RIMS1: variants seen among roughly 807,000 people sequenced by gnomAD.
The protein encoded by RIMS1 is regulating synaptic membrane exocytosis protein 1.
Under a neutral mutation model 214.1 loss-of-function variants are expected in RIMS1, and 83 were observed. The observed-to-expected ratio is 0.39, with a 90% CI of 0.32 to 0.47. The LOEUF (loss-of-function observed/expected upper bound fraction) is 0.47, where lower values mean the gene tolerates loss of function less well. Ranked by LOEUF, RIMS1 falls within the 20% of genes least tolerant of loss-of-function variation. RIMS1 has a pLI of 0.99. For synonymous variants in RIMS1, 793 were observed against 786.8 expected (o/e 1.01, Z -0.13); for missense variants, 2,050 against 2,161.8 (o/e 0.95, Z 1.03).
chr6:72,070,790 A>C lies in RIMS1; in HGVS notation c.246-26159A>C, dbSNP rs572062060. 2.6e-5 allele frequency among the ~76,000 whole-genome samples: 4 copies of C among 152,274 alleles called. No individual in the cohort carries two copies. In the South Asian group the frequency reaches 8.3e-4, roughly 32 times the overall value. The stretch of plus-strand genomic sequence containing the variant: ...ATAACCTGGAGGGAGGTTTTTGTGC[A>C]TGTCAAGGAGCTTTGACAAAGGCCC... On this transcript the variant is annotated intron_variant, in intron 2 of 33. Transcript: ENST00000521978.
At chr6:72,213,299 A>C (rs1419042058) in intron 6 of RIMS1, 1 of 1,261,832 alleles carries the variant, frequency 7.9e-7, no homozygotes, top group Non-Finnish European at 1.1e-6. Flanking sequence ...CTCCCTCTGT[A>C]TCTATTTTCC....
In RIMS1 at chr6:71,886,742, G is replaced by C. The variant is rs1259950232; in HGVS notation, c.-282G>C. On this transcript the variant is annotated 5_prime_UTR_variant, in exon 1 of 34. Transcript: ENST00000521978. ...CTCCGCCTGCCCGCCCCCGCCGGCC[G>C]AGGCTGGGCTGCGGGAGGCGGCCGG... The C allele has an allele frequency of 4.2e-6, 1 of 235,498 alleles. No individual in the cohort carries two copies. Among genetic ancestry groups the C allele is most frequent in the Non-Finnish European group, 8.2e-6 (1 of 122,106 alleles). 14.6% of individuals were successfully genotyped at this position (235,498 alleles called of 1,614,324 possible).
chr6:72,334,621 C>G (rs1015699058), intron 29 of RIMS1, among the ~76,000 whole-genome samples: 17 of 151,804 alleles, frequency 1.1e-4, no homozygotes, highest in Non-Finnish European at 2.1e-4. Flanking sequence ...ATTTAAATAG[C>G]CAGCAACTGT....
intron 16 of RIMS1, among the ~76,000 whole-genome samples, chr6:72,256,335 T>C (rs1271314498): frequency 6.6e-6 from 1 of 152,146 alleles, no homozygotes; most frequent in East Asian, 1.9e-4. Flanking sequence ...TTCAGAACTT[T>C]CTAAGTTACA....
intron 28 of RIMS1, among the ~76,000 whole-genome samples, chr6:72,315,442 T>C (rs2095723766): frequency 6.6e-6 from 1 of 152,184 alleles, no homozygotes; most frequent in Non-Finnish European, 1.5e-5. Context: ...ATTATGTAAA[T>C]TTAAGCACTA....
At chr6:72,029,388 T>C (rs768415371) in intron 2 of RIMS1, among the ~76,000 whole-genome samples, 18 of 152,280 alleles carry the variant, frequency 1.2e-4, no homozygotes, top group Non-Finnish European at 1.9e-4. Context: ...TCATTGCCAA[T>C]GTAAGAGGTT....
chr6:71,983,691 G>T (rs1221651584), intron 2 of RIMS1, among the ~76,000 whole-genome samples: 1 of 152,146 alleles, frequency 6.6e-6, no homozygotes, highest in South Asian at 2.1e-4. Flanking sequence ...TGAATGCTCA[G>T]ATGTGGAGCA....
At chr6:72,138,114 CAAAAAGGTAGGTAGACTTT>C (rs941172630) in intron 4 of RIMS1, among the ~76,000 whole-genome samples, 2 of 151,804 alleles carry the variant, frequency 1.3e-5, no homozygotes, top group African/African-American at 4.8e-5. Context: ...ATAGACGGTT[CAAAAAGGTAGGTAGACTTT>C]CCTCCTTTTA....
chr6:72,323,540 G>A (rs2096281085), intron 28 of RIMS1, among the ~76,000 whole-genome samples: 1 of 151,824 alleles, frequency 6.6e-6, no homozygotes. Context: ...TATAGGAGTT[G>A]ATGTACAGAG....
At chr6:72,196,371 C>CTGTT (rs1554269235) in intron 6 of RIMS1, among the ~76,000 whole-genome samples, 2,217 of 126,584 alleles carry the variant, frequency 0.018, 17 homozygotes, top group East Asian at 0.038. Flanking sequence ...GTCTGTCTGT[C>CTGTT]TGTCTGTCTA....
At chr6:72,253,272 T>G (rs928711799) in intron 16 of RIMS1, among the ~76,000 whole-genome samples, 1 of 152,190 alleles carries the variant, frequency 6.6e-6, no homozygotes, top group African/African-American at 2.4e-5. Context: ...AAATTGCATG[T>G]GGCATGGCTG....
intron 24 of RIMS1, among the ~76,000 whole-genome samples, chr6:72,289,588 C>CCTGTT (rs1381548497): frequency 6.6e-6 from 1 of 152,076 alleles, no homozygotes; most frequent in African/African-American, 2.4e-5. Context: ...CTGACATTTT[C>CCTGTT]CTGTTTTGTT....
intron 1 of RIMS1, among the ~76,000 whole-genome samples, chr6:71,959,258 T>G (rs2151226173): frequency 6.6e-6 from 1 of 152,240 alleles, no homozygotes; most frequent in Non-Finnish European, 1.5e-5. Context: ...TAGTTACAAT[T>G]AATTGAAAGT....
At chr6:72,164,802 C>A (rs1011787825) in intron 4 of RIMS1, among the ~76,000 whole-genome samples, 2 of 152,176 alleles carry the variant, frequency 1.3e-5, no homozygotes, top group African/African-American at 4.8e-5. Flanking sequence ...TTGCAAACAA[C>A]AACCTTCTTA....
intron 6 of RIMS1, among the ~76,000 whole-genome samples, chr6:72,218,107 C>CT (rs145835882): frequency 0.025 from 3,544 of 144,476 alleles, 102 homozygotes; most frequent in African/African-American, 0.067. Flanking sequence ...GGTTTTTTTG[C>CT]TTTTTTTTTT....
intron 2 of RIMS1, among the ~76,000 whole-genome samples, chr6:72,037,163 C>T (rs1819865443): frequency 6.6e-6 from 1 of 151,916 alleles, no homozygotes; most frequent in African/African-American, 2.4e-5. Context: ...TGGCAGGCAG[C>T]ATTCTATTTT....
chr6:72,089,913 C>T (rs928800509), intron 2 of RIMS1, among the ~76,000 whole-genome samples: 14 of 148,190 alleles, frequency 9.4e-5, no homozygotes, highest in African/African-American at 3.2e-4. Context: ...AGTAAACTAT[C>T]GCAAGAACAA....
chr6:72,343,306 C>T (rs2154359007), intron 29 of RIMS1, among the ~76,000 whole-genome samples: 1 of 151,698 alleles, frequency 6.6e-6, no homozygotes, highest in African/African-American at 2.4e-5. Flanking sequence ...TTCTTAAGCC[C>T]ATTTAATGAT....
chr6:72,131,597 A>G (rs555782815), intron 4 of RIMS1, among the ~76,000 whole-genome samples: 1 of 152,198 alleles, frequency 6.6e-6, no homozygotes, highest in Non-Finnish European at 1.5e-5. Flanking sequence ...AGAATATCAC[A>G]AGGCAAATGG....
Sources: allele counts gnomAD v4.1 joint callset (sites outside exome capture counted in the v4.1 genomes callset), GRCh38; gene constraint gnomAD v4.1.1; transcripts MANE v1.5; gene names NCBI Gene and HGNC (gene_info 2026-07-23, HGNC 2026-07-21).